The following PILRA variants were observed in gnomAD, a reference collection of about 807,000 sequenced individuals.
PILRA encodes paired immunoglobulin-like type 2 receptor alpha.
Under a neutral mutation model 33.1 loss-of-function variants are expected in PILRA, and 37 were observed. That is an observed-to-expected ratio of 1.12 (90% CI 0.86 to 1.47). PILRA has a LOEUF of 1.47. Ranked by LOEUF, PILRA falls within the 40% of genes most tolerant of loss-of-function variation. The pLI is 0.00. For missense variants in PILRA, 312 were observed against 376.2 expected, an observed-to-expected ratio of 0.83 and a Z score of 1.41; for synonymous variants, 146 against 149.9, an observed-to-expected ratio of 0.97 and a Z score of 0.19.
Position 100,374,184 on chromosome 7 carries a change from A to C in PILRA, c.205A>C (p.Ile69Leu), listed in dbSNP as rs1289283982. 1.2e-6 allele frequency: 2 copies of C among 1,614,108 alleles called. No individual in the cohort carries two copies. The highest frequency in any genetic ancestry group is 1.6e-4 in the Middle Eastern group (1 of 6,062). ...GTTAGCCACAGCTCCCGACGTGAGA[A>C]TATCCTGGAGACGGGGCCACTTCCA... ...WELATAPDVRISWRRGHFHRQ... is the reference protein window; with the variant it reads ...WELATAPDVRLSWRRGHFHRQ... The change falls in exon 2 of 7, where the codon ATA becomes CTA. Residue 69 changes from isoleucine to leucine, a missense_variant. Transcript: ENST00000198536.
chr7:100,378,185 T>TAAA (rs768016679), intron 2 of PILRA, among the ~76,000 whole-genome samples: 7 of 133,890 alleles, frequency 5.2e-5, no homozygotes, highest in Middle Eastern at 7.7e-3. Context: ...CCCCCATCTC[T>TAAA]AAAAAAAAAA....
At chr7:100,381,975 C>T (rs946918258) in intron 2 of PILRA, among the ~76,000 whole-genome samples, 3 of 152,156 alleles carry the variant, frequency 2.0e-5, no homozygotes, top group Non-Finnish European at 4.4e-5. Context: ...GGCTCGGGAC[C>T]TGCAGCCCGC....
chr7:100,398,436 C>T (rs1791545275), intron 4 of PILRA, among the ~76,000 whole-genome samples: 1 of 152,158 alleles, frequency 6.6e-6, no homozygotes, highest in Admixed American at 6.5e-5. Context: ...TTTTTCTGGG[C>T]TCTTCCTCTC....
chr7:100,390,140 T>G, intron 3 of PILRA, 34 bp downstream of exon 3: 1 of 1,570,796 alleles, frequency 6.4e-7, no homozygotes, highest in Non-Finnish European at 8.8e-7. Flanking sequence ...TCCCCAAGCC[T>G]CCCATCTGGG....
At chr7:100,391,729 C>T (rs527601870) in intron 3 of PILRA, among the ~76,000 whole-genome samples, 5 of 152,114 alleles carry the variant, frequency 3.3e-5, no homozygotes, top group South Asian at 4.2e-4. Context: ...GATGTAGGGG[C>T]GAGGGAGCAG....
intron 3 of PILRA, 131 bp from the exon 4 acceptor site, chr7:100,397,748 G>A (rs964257976): frequency 6.9e-5 from 62 of 902,746 alleles, no homozygotes; most frequent in Non-Finnish European, 1.1e-4. Context: ...CTTCCTGATG[G>A]GTTTGGGTGG....
intron 2 of PILRA, among the ~76,000 whole-genome samples, chr7:100,379,538 C>T (rs916114220): frequency 2.6e-5 from 4 of 151,202 alleles, no homozygotes; most frequent in African/African-American, 9.7e-5. Context: ...CGTGGTAGCA[C>T]GCGCCTGTAG....
intron 3 of PILRA, among the ~76,000 whole-genome samples, chr7:100,390,339 CT>C (rs1791363824): frequency 6.6e-6 from 1 of 152,136 alleles, no homozygotes; most frequent in Admixed American, 6.5e-5. Flanking sequence ...CGATCCCCCC[CT>C]AGTTCTTCTC....
At chr7:100,391,394 G>A (rs957686041) in intron 3 of PILRA, among the ~76,000 whole-genome samples, 2 of 151,922 alleles carry the variant, frequency 1.3e-5, no homozygotes, top group African/African-American at 4.8e-5. Context: ...TTTTATAAAT[G>A]ACACTTGGTT....
intron 4 of PILRA, 68 bp downstream of exon 4, chr7:100,397,980 CAG>C: frequency 6.7e-6 from 10 of 1,497,644 alleles, no homozygotes; most frequent in Admixed American, 3.4e-5. Context: ...ATTTGGGAAA[CAG>C]GGAGTGTGCT....
intron 2 of PILRA, among the ~76,000 whole-genome samples, chr7:100,377,573 T>C (rs1401124757): frequency 6.6e-6 from 1 of 152,120 alleles, no homozygotes; most frequent in Non-Finnish European, 1.5e-5. Flanking sequence ...CAAAAATCCC[T>C]ATTTCCACTA....
chr7:100,396,975 G>T (rs1327376705), intron 3 of PILRA, among the ~76,000 whole-genome samples: 2 of 149,776 alleles, frequency 1.3e-5, no homozygotes, highest in Non-Finnish European at 3.0e-5. Context: ...CTAGTGTTTT[G>T]TTTGTTTTTT....
At chr7:100,387,923 C>T (rs1282814924) in intron 2 of PILRA, among the ~76,000 whole-genome samples, 1 of 152,014 alleles carries the variant, frequency 6.6e-6, no homozygotes, top group Non-Finnish European at 1.5e-5. Context: ...TACTTTCTTC[C>T]TCTGAGTTTC....
intron 2 of PILRA, among the ~76,000 whole-genome samples, chr7:100,381,444 CAA>C (rs60123996): frequency 0.016 from 1,313 of 82,090 alleles, 13 homozygotes; most frequent in East Asian, 0.053. Flanking sequence ...GATCCTGACT[CAA>C]AAAAAAAAAA....
At chr7:100,379,464 G>A (rs1284157693) in intron 2 of PILRA, among the ~76,000 whole-genome samples, 51 of 151,618 alleles carry the variant, frequency 3.4e-4, no homozygotes, top group Admixed American at 3.3e-3. Context: ...TCAGGAGTTC[G>A]AGACCAGCCT....
Position 100,374,148 on chromosome 7 carries a change from T to C in PILRA, c.169T>C (p.Tyr57His), listed in dbSNP as rs755774330. 1.2e-5 allele frequency: 19 copies of C among 1,614,078 alleles called. No individual in the cohort carries two copies. The highest frequency in any genetic ancestry group is 2.2e-5 in the East Asian group (1 of 44,876). ...GSVEIPFSFY[Y>H]PWELATAPDV... is the part of the protein sequence containing the mutation. ...TGTGGAAATCCCCTTCTCCTTCTAT[T>C]ACCCCTGGGAGTTAGCCACAGCTCC... The change falls in exon 2 of 7, where the codon TAC becomes CAC. Residue 57 changes from tyrosine (Y) to histidine (H), a missense_variant. Transcript: ENST00000198536.
chr7:100,394,160 G>A lies in PILRA; in HGVS notation c.674-3719G>A, dbSNP rs553551097. Among the ~76,000 whole-genome samples the A allele has an allele frequency of 2.6e-5, 4 of 152,310 alleles. No individual in the cohort carries two copies. In the East Asian group the frequency reaches 7.7e-4, roughly 29 times the overall value. ...AGAAAGACAGGAGATCACAGGTCAA[G>A]GAGCTAGTGAGAAGGCAGGAATGAA... is the stretch of plus-strand genomic sequence containing the variant. On this transcript the variant is annotated intron_variant, in intron 3 of 6. Coordinates refer to ENST00000198536, the MANE Select transcript of PILRA (RefSeq NM_013439.3).
At chr7:100,381,971 G>A (rs1371309749) in intron 2 of PILRA, among the ~76,000 whole-genome samples, 1 of 152,072 alleles carries the variant, frequency 6.6e-6, no homozygotes, top group East Asian at 1.9e-4. Context: ...GCAGGGCTCG[G>A]GACCTGCAGC....
intron 3 of PILRA, among the ~76,000 whole-genome samples, chr7:100,394,659 T>C (rs1033460792): frequency 7.8e-6 from 1 of 128,638 alleles, no homozygotes; most frequent in Non-Finnish European, 1.7e-5. Flanking sequence ...ACCAACGGAA[T>C]AGAATACAGA....
Sources: gnomAD v4.1 joint callset for allele counts (sites outside exome capture counted in the v4.1 genomes callset) on GRCh38, gnomAD v4.1.1 for gene constraint, MANE v1.5 for transcripts, NCBI Gene and HGNC (gene_info 2026-07-23, HGNC 2026-07-21) for gene names.